The following CHL1 variants were observed in gnomAD, a reference collection of about 807,000 sequenced individuals.
The protein encoded by CHL1 is cell adhesion molecule L1 like, also known as neural cell adhesion molecule L1-like protein.
In CHL1, 96 loss-of-function variants were observed where a neutral mutation model predicts 141.9. The observed-to-expected ratio is 0.68, with a 90% CI of 0.57 to 0.80. CHL1 has a LOEUF of 0.80. Ranked by LOEUF, CHL1 falls within the 30% of genes least tolerant of loss-of-function variation. The probability of loss-of-function intolerance (pLI) is 0.00; values close to 1 mark genes in which losing one functional copy is unlikely to be tolerated. For missense variants in CHL1, 1,820 were observed against 1,457.2 expected (o/e 1.25, Z -4.05); for synonymous variants, 613 against 502.2 (o/e 1.22, Z -2.95).
chr3:230,170 A>G (rs1332746441), intron 1 of CHL1, among the ~76,000 whole-genome samples: 1 of 152,230 alleles, frequency 6.6e-6, no homozygotes, highest in Non-Finnish European at 1.5e-5. Context: ...GATCTCTTGT[A>G]TAATAAATTC....
chr3:235,150 C>A (rs1423256692), intron 1 of CHL1, among the ~76,000 whole-genome samples: 3 of 151,992 alleles, frequency 2.0e-5, no homozygotes, highest in African/African-American at 7.2e-5. Flanking sequence ...CTATCCCTCC[C>A]CCCTCTTTCT....
intron 2 of CHL1, chr3:309,055 G>A (rs879463184): frequency 1.3e-5 from 2 of 152,432 alleles, no homozygotes; most frequent in Non-Finnish European, 2.9e-5. Flanking sequence ...CCCCGGTGCA[G>A]GCCGGCTGGC....
intron 2 of CHL1, among the ~76,000 whole-genome samples, chr3:276,868 G>A (rs1048060182): frequency 7.6e-6 from 1 of 131,200 alleles, no homozygotes; most frequent in Non-Finnish European, 1.6e-5. Context: ...CAGCCTGGGT[G>A]AAAGAGGAAG....
chr3:280,950 G>C (rs76153620), intron 2 of CHL1, among the ~76,000 whole-genome samples: 1,937 of 151,802 alleles, frequency 0.013, 103 homozygotes, highest in Admixed American at 0.099. Flanking sequence ...CACAACAACT[G>C]TTTGCTACAG....
intron 2 of CHL1, among the ~76,000 whole-genome samples, chr3:290,407 A>G (rs1432908900): frequency 6.6e-6 from 1 of 152,178 alleles, no homozygotes; most frequent in East Asian, 1.9e-4. Context: ...GCAAATATGG[A>G]ATCTGTGGAT....
intron 1 of CHL1, among the ~76,000 whole-genome samples, chr3:210,057 G>A (rs951952275): frequency 6.6e-6 from 1 of 152,180 alleles, no homozygotes; most frequent in Non-Finnish European, 1.5e-5. Flanking sequence ...GACCTCAATA[G>A]ATATGTGTTT....
chr3:264,398 A>G (rs897570017), intron 2 of CHL1, among the ~76,000 whole-genome samples: 1 of 152,196 alleles, frequency 6.6e-6, no homozygotes, highest in South Asian at 2.1e-4. Context: ...TAATAAACAT[A>G]TAACAGAATG....
At chr3:246,345 C>G (rs1486004216) in intron 2 of CHL1, among the ~76,000 whole-genome samples, 3 of 152,018 alleles carry the variant, frequency 2.0e-5, no homozygotes, top group South Asian at 2.1e-4. Flanking sequence ...TGCATTCTTT[C>G]CTGTATTTTA....
chr3:320,021 G>A (rs1042459217), intron 3 of CHL1, among the ~76,000 whole-genome samples, 154 bp downstream of exon 3: 2 of 151,682 alleles, frequency 1.3e-5, no homozygotes, highest in African/African-American at 2.4e-5. Context: ...TATCTTTTTC[G>A]TTTTGTGGGT....
At chr3:275,899 T>G (rs1383784353) in intron 2 of CHL1, among the ~76,000 whole-genome samples, 1 of 152,068 alleles carries the variant, frequency 6.6e-6, no homozygotes, top group South Asian at 2.1e-4. Context: ...TGTATATATA[T>G]ACTATGTGCC....
chr3:385,181 T>G (rs955153937), intron 19 of CHL1, among the ~76,000 whole-genome samples: 1 of 152,178 alleles, frequency 6.6e-6, no homozygotes, highest in Non-Finnish European at 1.5e-5. Flanking sequence ...CCATAGAAAT[T>G]TTCATAAAGT....
At chr3:374,099 T>A (rs1705998040) in intron 15 of CHL1, 2 of 149,824 alleles carry the variant, frequency 1.3e-5, no homozygotes, top group African/African-American at 4.9e-5. Flanking sequence ...CCTTCATTTC[T>A]TCATCTGCTT....
At chr3:323,907 T>A (rs1700798579) in intron 3 of CHL1, among the ~76,000 whole-genome samples, 1 of 152,140 alleles carries the variant, frequency 6.6e-6, no homozygotes, top group Non-Finnish European at 1.5e-5. Context: ...TGCAATCATG[T>A]AAAGTAATGC....
At chr3:303,049 T>C (rs1698902547) in intron 2 of CHL1, among the ~76,000 whole-genome samples, 1 of 152,186 alleles carries the variant, frequency 6.6e-6, no homozygotes, top group South Asian at 2.1e-4. Flanking sequence ...ATCAGTTGGT[T>C]GTAGCTGCGT....
At chr3:221,272 C>T (rs1044656257) in intron 1 of CHL1, among the ~76,000 whole-genome samples, 7 of 152,156 alleles carry the variant, frequency 4.6e-5, no homozygotes, top group African/African-American at 1.4e-4. Context: ...TCGTGTGGCT[C>T]GGAATAAATC....
chr3:246,392 T>C (rs775785097), intron 2 of CHL1, among the ~76,000 whole-genome samples: 2 of 152,104 alleles, frequency 1.3e-5, no homozygotes, highest in Non-Finnish European at 2.9e-5. Flanking sequence ...CTCTTGGTGA[T>C]TGATGAAATC....
intron 15 of CHL1, among the ~76,000 whole-genome samples, chr3:369,288 G>T (rs866988817): frequency 2.2e-4 from 34 of 151,140 alleles, no homozygotes; most frequent in African/African-American, 7.5e-4. Context: ...GCAGTGGTTT[G>T]TAGTTCTCCT....
chr3:307,651 T>C (rs1447958969), intron 2 of CHL1, among the ~76,000 whole-genome samples: 2 of 152,198 alleles, frequency 1.3e-5, no homozygotes, highest in Non-Finnish European at 2.9e-5. Context: ...CACCAATATA[T>C]ACAACACTAC....
intron 2 of CHL1, chr3:282,638 G>C: frequency 6.6e-6 from 1 of 152,182 alleles, no homozygotes; most frequent in East Asian, 1.9e-4. Context: ...GACTGTTTGT[G>C]ACTGGTTGAC....
Sources: gnomAD v4.1 joint callset for allele counts (sites outside exome capture counted in the v4.1 genomes callset) on GRCh38, gnomAD v4.1.1 for gene constraint, MANE v1.5 for transcripts, NCBI Gene and HGNC (gene_info 2026-07-23, HGNC 2026-07-21) for gene names.